The following ANKRD33B variants were observed in gnomAD, a reference collection of about 807,000 sequenced individuals.
ANKRD33B encodes the protein ankyrin repeat domain-containing protein 33B.
ANKRD33B carries 6 observed loss-of-function variants against 21.5 expected under a neutral mutation model. The observed-to-expected ratio is 0.28, with a 90% CI of 0.15 to 0.55. ANKRD33B has a LOEUF of 0.55. Ranked by LOEUF, ANKRD33B falls within the 20% of genes least tolerant of loss-of-function variation. ANKRD33B has a pLI of 0.94. For missense variants in ANKRD33B, 698 were observed against 747.2 expected, an observed-to-expected ratio of 0.93 and a Z score of 0.77; for synonymous variants, 347 against 342.4, an observed-to-expected ratio of 1.01 and a Z score of -0.15.
chr5:10,591,904 T>C (rs1270012151), intron 1 of ANKRD33B, among the ~76,000 whole-genome samples: 1 of 152,214 alleles, frequency 6.6e-6, no homozygotes, highest in Non-Finnish European at 1.5e-5. Context: ...GGGAATATTG[T>C]ATTTATATAG....
intron 2 of ANKRD33B, among the ~76,000 whole-genome samples, chr5:10,637,280 G>A (rs987670756): frequency 5.9e-5 from 9 of 152,208 alleles, no homozygotes; most frequent in African/African-American, 1.9e-4. Context: ...CTGGGAATGA[G>A]CAGAAAGTTA....
At chr5:10,591,209 T>TTTTTTTTTTTA (rs1735680864) in intron 1 of ANKRD33B, among the ~76,000 whole-genome samples, 1 of 148,204 alleles carries the variant, frequency 6.7e-6, no homozygotes. Flanking sequence ...TTTTTTTTTT[T>TTTTTTTTTTTA]TGAGATGGAG....
intron 2 of ANKRD33B, among the ~76,000 whole-genome samples, chr5:10,625,765 C>T (rs1334211753): frequency 2.6e-5 from 4 of 152,210 alleles, no homozygotes. Context: ...AGTTACTGGA[C>T]AGGTGGGCTT....
intron 1 of ANKRD33B, among the ~76,000 whole-genome samples, chr5:10,588,136 T>C (rs893224752): frequency 4.6e-5 from 7 of 152,190 alleles, no homozygotes; most frequent in Non-Finnish European, 7.3e-5. Context: ...TATTGTAAAA[T>C]ATTCAGATAA....
In ANKRD33B at chr5:10,649,349, C is replaced by CGTAA. The variant is rs1737266015; in HGVS notation, c.723_724insAAGT (p.Leu242LysfsTer28). On this transcript the variant is annotated frameshift_variant, in exon 4 of 4. Transcript: ENST00000296657. LOFTEE classifies it low-confidence loss of function (END_TRUNC). ...TTACACGGGCCGCGTGGATGCCGTC[C>CGTAA]GTCTCATGCAGAGGCTGCTGGAGCG... The CGTAA allele has an allele frequency of 6.5e-7, 1 of 1,535,266 alleles. No individual in the cohort carries two copies. The highest frequency in any genetic ancestry group is 8.7e-7 in the Non-Finnish European group (1 of 1,146,734).
At chr5:10,613,150 T>C (rs1736205822) in intron 1 of ANKRD33B, among the ~76,000 whole-genome samples, 1 of 152,198 alleles carries the variant, frequency 6.6e-6, no homozygotes, top group South Asian at 2.1e-4. Context: ...CCCCTGGCTG[T>C]CGTGGGCTCC....
intron 1 of ANKRD33B, among the ~76,000 whole-genome samples, 175 bp downstream of exon 1, chr5:10,565,008 C>T (rs962348397): frequency 6.6e-6 from 1 of 152,238 alleles, no homozygotes; most frequent in Non-Finnish European, 1.5e-5. Flanking sequence ...GGTGGCTTCC[C>T]CGTCTCAGGC....
chr5:10,639,938 G>C (rs1191624193), intron 3 of ANKRD33B, among the ~76,000 whole-genome samples: 3 of 36,094 alleles, frequency 8.3e-5, no homozygotes, highest in African/African-American at 2.1e-4. Flanking sequence ...GCGATGTTAG[G>C]CGGTGACGTG....
intron 2 of ANKRD33B, among the ~76,000 whole-genome samples, chr5:10,622,737 C>A (rs1736447098): frequency 6.6e-6 from 1 of 151,940 alleles, no homozygotes; most frequent in African/African-American, 2.4e-5. Context: ...GTAGCCCAGC[C>A]CCTTCTTTTT....
rs149740106 is a variant in ANKRD33B, at chr5:10,618,541, T to C, written c.496+79T>C. 965 of 1,448,292 alleles carry C rather than the reference T, an allele frequency of 6.7e-4. 9 individuals are homozygous for C. The African/African-American group carries it at 0.013, about 19-fold the overall frequency. 89.7% of individuals were successfully genotyped at this position (1,448,292 alleles called of 1,614,324 possible). ...CGGGCAGCCCGGGCTCCCGTTGCGA[T>C]GCAGTCAGGATGGAAATGATCAGAG... On this transcript the variant is annotated intron_variant, in intron 2 of 3. Coordinates refer to ENST00000296657, the MANE Select transcript of ANKRD33B (RefSeq NM_001164440.2).
chr5:10,639,981 A>C lies in ANKRD33B; in HGVS notation c.637+1813A>C, dbSNP rs372593799. 6.5e-5 allele frequency among the ~76,000 whole-genome samples: 4 copies of C among 61,572 alleles called. 1 individual carries two copies. The highest frequency in any genetic ancestry group is 1.4e-4 in the African/African-American group (3 of 21,486). The allele number at this position is 61,572 out of a possible 152,430, so 40.4% of individuals were successfully genotyped here. A position where few individuals can be genotyped will look rare whatever the true frequency, so the allele number is the denominator to read the frequency against. ...GCGGTGATGTTAGCGGGTGACGCGG[A>C]GTTGCGCGGCGATGTTAGCGGGTGA... On this transcript the variant is annotated intron_variant, in intron 3 of 3. Transcript: ENST00000296657.
rs1177232357 is a variant in ANKRD33B at position 10,629,543 on chromosome 5, GAGTTTGT to G, written c.497-8482_497-8476del. ...AAAGATGTTTTGGGTTTGATGCATT[GAGTTTGT>G]AGGATACCCATGATGAAATACTCAG... On this transcript the variant is annotated intron_variant, in intron 2 of 3. Coordinates refer to ENST00000296657, the MANE Select transcript of ANKRD33B (RefSeq NM_001164440.2). Among the ~76,000 whole-genome samples, 624 of 152,260 alleles carry G rather than the reference GAGTTTGT, an allele frequency of 4.1e-3. 4 individuals carry two copies. The highest frequency in any genetic ancestry group is 0.014 in the African/African-American group (595 of 41,538).
intron 1 of ANKRD33B, among the ~76,000 whole-genome samples, chr5:10,606,048 C>T (rs548817884): frequency 7.2e-5 from 11 of 152,238 alleles, no homozygotes; most frequent in Middle Eastern, 3.4e-3. Context: ...ATGATCACTG[C>T]GTGGAAACCA....
rs775759575 is a variant in ANKRD33B at position 10,564,839 on chromosome 5, C to T, written c.366+6C>T. On this transcript the variant is annotated splice_donor_region_variant and intron_variant, in intron 1 of 3. Transcript: ENST00000296657. ...AGACTGACCGCAACGGCAGGGTAAGCGGGCGTCCCCGCAGGATTTGAGCCC... is the reference window on the plus strand; with the variant it reads ...AGACTGACCGCAACGGCAGGGTAAGTGGGCGTCCCCGCAGGATTTGAGCCC... The T allele has an allele frequency of 2.3e-5, 34 of 1,489,152 alleles. No individual in the cohort carries two copies. The highest frequency in any genetic ancestry group is 5.4e-6 in the Non-Finnish European group (6 of 1,120,006). 92.2% of individuals were successfully genotyped at this position (1,489,152 alleles called of 1,614,324 possible).
rs972651135 is a variant in ANKRD33B, at chr5:10,649,983, A to G, written c.1355A>G (p.His452Arg). ...AAGGGCAGCACCAAGGACAGCGGCC[A>G]CCTGCAGATCCCCAAGTGGCGGTAC... The part of the protein sequence containing the change: ...ARKGSTKDSG[H>R]LQIPKWRYKE... Residue 452 changes from histidine (H) to arginine (R), a missense_variant, in exon 4 of 4, where the codon CAC becomes CGC. This residue lies in a region of ANKRD33B where 543 missense variants were observed against 566.5 expected (regional missense o/e 0.96). Coordinates refer to ENST00000296657, the MANE Select transcript of ANKRD33B (RefSeq NM_001164440.2). 2.6e-6 allele frequency: 4 copies of G among 1,533,550 alleles called. No individual in the cohort carries two copies. The highest frequency in any genetic ancestry group is 2.0e-5 in the Admixed American group (1 of 50,858). The allele number at this position is 1,533,550 out of a possible 1,614,324, so 95.0% of individuals were successfully genotyped here.
At chr5:10,589,973 G>T in intron 1 of ANKRD33B, among the ~76,000 whole-genome samples, 1 of 149,510 alleles carries the variant, frequency 6.7e-6, no homozygotes. Context: ...TAATTTTCTG[G>T]GCATTTTTGA....
At position 10,656,931 on chromosome 5, in the gene ANKRD33B, G is replaced by A. The variant is rs748874623; in HGVS notation, c.*6818G>A. ...ATGCTAACACAGTTCAGTTTTTGAG[G>A]GAACTAGTTTTGTCATAATACTACA... On this transcript the variant is annotated 3_prime_UTR_variant, in exon 4 of 4. Coordinates refer to ENST00000296657, the MANE Select transcript of ANKRD33B (RefSeq NM_001164440.2). 6.6e-6 allele frequency: 1 copy of A among 152,064 alleles called. No homozygotes were observed. The highest frequency in any genetic ancestry group is 2.4e-5 in the African/African-American group (1 of 41,350). The allele number at this position is 152,064 out of a possible 1,614,324, so 9.4% of individuals were successfully genotyped here.
At chr5:10,594,451 C>A (rs1178591022) in intron 1 of ANKRD33B, among the ~76,000 whole-genome samples, 2 of 152,158 alleles carry the variant, frequency 1.3e-5, no homozygotes, top group African/African-American at 4.8e-5. Flanking sequence ...CTCCCAACCT[C>A]AGCTGATCTG....
chr5:10,649,632 T>TG lies in ANKRD33B; in HGVS notation c.1008dup (p.Lys337GlufsTer25). On this transcript the variant is annotated frameshift_variant, in exon 4 of 4. Transcript: ENST00000296657. LOFTEE classifies it low-confidence loss of function (END_TRUNC). ...GTGTGCCCTGAGAGCCCTCCGAGCG[T>TG]GGGGAAGAGGCGGCTGGCGGTGCAG... is the stretch of plus-strand genomic sequence containing the variant. The TG allele has an allele frequency of 6.5e-7, 1 of 1,530,958 alleles. No homozygotes were observed. Among genetic ancestry groups the TG allele is most frequent in the African/African-American group, 1.4e-5 (1 of 72,892 alleles). 94.8% of individuals were successfully genotyped at this position (1,530,958 alleles called of 1,614,324 possible).
Sources: gnomAD v4.1 joint callset for allele counts (sites outside exome capture counted in the v4.1 genomes callset) on GRCh38, gnomAD v4.1.1 for gene constraint, gnomAD v4.1.1 regional missense constraint, MANE v1.5 for transcripts, NCBI Gene and HGNC (gene_info 2026-07-23, HGNC 2026-07-21) for gene names.